Variants in CLIC5 observed in about 807,000 individuals in gnomAD.
CLIC5 encodes the protein CLIC family member 5, also known as chloride intracellular channel protein 5.
In CLIC5, 20 loss-of-function variants were observed where a neutral mutation model predicts 24.7. That is an observed-to-expected ratio of 0.81 (90% confidence interval 0.57 to 1.18). The LOEUF is 1.18. Ranked by LOEUF, CLIC5 falls within the 50% of genes most tolerant of loss-of-function variation. The pLI is 0.00. For missense variants in CLIC5, 341 were observed against 326.1 expected, an observed-to-expected ratio of 1.05 and a Z score of -0.35; for synonymous variants, 159 against 135.6, an observed-to-expected ratio of 1.17 and a Z score of -1.20.
intron 1 of CLIC5, among the ~76,000 whole-genome samples, chr6:45,982,108 T>C (rs1421121034): frequency 2.0e-5 from 3 of 152,004 alleles, no homozygotes; most frequent in Non-Finnish European, 4.4e-5. Flanking sequence ...AAACGGGAAA[T>C]GTGAGGGAGC....
chr6:46,039,589 A>C (rs1767752149), intron 1 of CLIC5, among the ~76,000 whole-genome samples: 1 of 152,132 alleles, frequency 6.6e-6, no homozygotes, highest in South Asian at 2.1e-4. Flanking sequence ...TCAATTAAAG[A>C]AGAAAAAACA....
rs779845602 is a variant in CLIC5 at position 45,941,536 on chromosome 6, G to T, written c.406+11C>A. 6.3e-7 allele frequency: 1 copy of T among 1,595,100 alleles called. No individual in the cohort carries two copies. Among genetic ancestry groups the T allele is most frequent in the East Asian group, 2.2e-5 (1 of 44,778 alleles). On this transcript the variant is annotated intron_variant, in intron 4 of 5. Coordinates refer to ENST00000339561, the MANE Select transcript of CLIC5 (RefSeq NM_016929.5). Reference sequence around the variant, plus strand: ...ACTGCCAAGGGTTCTTGGTGGAAGGGAGTCACTCACCAGCATTGTTCTGCT... The same window carrying T: ...ACTGCCAAGGGTTCTTGGTGGAAGGTAGTCACTCACCAGCATTGTTCTGCT...
chr6:45,940,454 G>A (rs3822887), intron 4 of CLIC5, among the ~76,000 whole-genome samples: 14,806 of 152,128 alleles, frequency 0.097, 1,356 homozygotes, highest in East Asian at 0.37. Flanking sequence ...TTTACTTCCC[G>A]ATACACCAAC....
intron 5 of CLIC5, chr6:45,912,589 C>A: frequency 6.9e-7 from 1 of 1,444,920 alleles, no homozygotes; most frequent in South Asian, 1.3e-5. Flanking sequence ...AAAATGAATT[C>A]CAAAAAGATT....
chr6:45,898,714 TTTTG>T lies in CLIC5; in HGVS notation c.*4370_*4373del, dbSNP rs1210110732. 21 of 152,812 alleles carry T rather than the reference TTTTG, an allele frequency of 1.4e-4. No individual in the cohort carries two copies. In the East Asian group the frequency reaches 4.0e-3, roughly 29 times the overall value. The allele number at this position is 152,812 out of a possible 1,614,324, so 9.5% of individuals were successfully genotyped here. A position where few individuals can be genotyped will look rare whatever the true frequency, so the allele number is the denominator to read the frequency against. ...TGTTCTTTTACAAAAGCTAAGCATC[TTTTG>T]TTAAGCTAGTTAACTCCCCAGCTTA... On this transcript the variant is annotated 3_prime_UTR_variant, in exon 6 of 6. Coordinates refer to ENST00000339561, the MANE Select transcript of CLIC5 (RefSeq NM_016929.5).
chr6:46,095,703 G>C, the CLIC5 span, among the ~76,000 whole-genome samples: 1 of 152,210 alleles, frequency 6.6e-6, no homozygotes, highest in Non-Finnish European at 1.5e-5. Flanking sequence ...CAGCATTTTA[G>C]TCACAGCAAT....
chr6:45,934,355 T>A (rs1763855066), intron 4 of CLIC5: 1 of 151,918 alleles, frequency 6.6e-6, no homozygotes, highest in African/African-American at 2.4e-5. Flanking sequence ...AGTATAAATT[T>A]TAAAATAGAA....
upstream of CLIC5, among the ~76,000 whole-genome samples, chr6:46,082,645 C>T (rs1679194471): frequency 6.6e-6 from 1 of 152,080 alleles, no homozygotes; most frequent in African/African-American, 2.4e-5. Context: ...ACACACATTC[C>T]CTGGATATTT....
chr6:46,005,340 T>C (rs1766511579), intron 1 of CLIC5, among the ~76,000 whole-genome samples: 1 of 152,074 alleles, frequency 6.6e-6, no homozygotes, highest in Non-Finnish European at 1.5e-5. Context: ...CTGAAGTCCA[T>C]AGAGGTTGAT....
chr6:46,060,635 C>G (rs1398284520), intron 1 of CLIC5, among the ~76,000 whole-genome samples: 1 of 152,192 alleles, frequency 6.6e-6, no homozygotes, highest in Admixed American at 6.5e-5. Context: ...GCTAAACCTC[C>G]TCTTAAAGCA....
chr6:46,033,142 C>T (rs1298583102), intron 1 of CLIC5, among the ~76,000 whole-genome samples: 1 of 151,948 alleles, frequency 6.6e-6, no homozygotes, highest in Admixed American at 6.5e-5. Flanking sequence ...GCATGTGCCA[C>T]CACGCCCAGC....
At chr6:45,977,160 A>G (rs552048527) in intron 1 of CLIC5, among the ~76,000 whole-genome samples, 3 of 152,258 alleles carry the variant, frequency 2.0e-5, no homozygotes, top group South Asian at 2.1e-4. Context: ...CTTGAATAAC[A>G]AGGATTATAG....
At position 45,901,067 on chromosome 6, in the gene CLIC5, C is replaced by T. The variant is rs368942030; in HGVS notation, c.*2021G>A. The stretch of plus-strand genomic sequence containing the variant: ...GGTCATCCTGCCTGTGCTGTAAATT[C>T]GGGGAAGGATTTCTGAGTACAGCAG... On this transcript the variant is annotated 3_prime_UTR_variant, in exon 6 of 6. Transcript: ENST00000339561. 1 of 152,086 alleles carries T rather than the reference C, an allele frequency of 6.6e-6. No individual in the cohort carries two copies. 9.4% of individuals were successfully genotyped at this position (152,086 alleles called of 1,614,324 possible).
chr6:45,890,558 C>T (rs1249959390), intron 6 of CLIC5, among the ~76,000 whole-genome samples: 2 of 152,164 alleles, frequency 1.3e-5, no homozygotes, highest in Non-Finnish European at 2.9e-5. Flanking sequence ...AATCCCACTA[C>T]TGTGTATATA....
At chr6:46,032,807 A>G (rs965161617) in intron 1 of CLIC5, among the ~76,000 whole-genome samples, 1 of 152,030 alleles carries the variant, frequency 6.6e-6, no homozygotes, top group Admixed American at 6.6e-5. Context: ...CTTAAAAGCA[A>G]CTCTCAGAGA....
chr6:45,912,935 G>A (rs1053959235), intron 5 of CLIC5, among the ~76,000 whole-genome samples: 4 of 152,126 alleles, frequency 2.6e-5, no homozygotes, highest in African/African-American at 9.7e-5. Flanking sequence ...TAAGGCATAC[G>A]GAAACACCAG....
the CLIC5 span, among the ~76,000 whole-genome samples, chr6:46,110,768 C>G: frequency 5.3e-5 from 8 of 152,290 alleles, no homozygotes; most frequent in East Asian, 1.5e-3. Context: ...AAACTCTTGG[C>G]TTGATTTTCT....
At chr6:46,053,464 G>A (rs990199631) in intron 1 of CLIC5, among the ~76,000 whole-genome samples, 3 of 152,226 alleles carry the variant, frequency 2.0e-5, no homozygotes, top group Non-Finnish European at 4.4e-5. Context: ...ATGAAAGTAT[G>A]TAGGTGGAAG....
chr6:46,023,536 C>T (rs1028384466), intron 1 of CLIC5, among the ~76,000 whole-genome samples: 2 of 152,042 alleles, frequency 1.3e-5, no homozygotes, highest in Non-Finnish European at 2.9e-5. Flanking sequence ...TAAGAAATGG[C>T]TAGGGTTGGG....
Sources: gnomAD v4.1 joint callset for allele counts (sites outside exome capture counted in the v4.1 genomes callset) on GRCh38, gnomAD v4.1.1 for gene constraint, MANE v1.5 for transcripts, NCBI Gene and HGNC (gene_info 2026-07-23, HGNC 2026-07-21) for gene names.